The following NDRG4 variants were observed in gnomAD, a reference collection of about 807,000 sequenced individuals.
The protein encoded by NDRG4 is protein NDRG4.
Under a neutral mutation model 55.8 loss-of-function variants are expected in NDRG4, and 38 were observed. The ratio of observed to expected loss-of-function variants is 0.68; its 90% confidence interval spans 0.53 to 0.89. NDRG4 has a LOEUF of 0.89. NDRG4 is among the 40% of genes least tolerant of loss of function. The pLI, the probability that NDRG4 is intolerant of heterozygous loss-of-function variation, is 0.00. For missense variants in NDRG4, 455 were observed against 468.6 expected (o/e 0.97, Z 0.27); for synonymous variants, 190 against 182.7 (o/e 1.04, Z -0.32).
upstream of NDRG4, chr16:58,499,976 A>G: frequency 2.8e-6 from 2 of 718,856 alleles, no homozygotes; most frequent in Non-Finnish European, 4.3e-6. Flanking sequence ...GGGCTGGGGC[A>G]AGGAGGACTT....
At chr16:58,477,948 A>G (rs2033895083) in intron 1 of NDRG4, among the ~76,000 whole-genome samples, 1 of 152,222 alleles carries the variant, frequency 6.6e-6, no homozygotes, top group African/African-American at 2.4e-5. Flanking sequence ...ACAGATTGAC[A>G]TCATGTGCCT....
At chr16:58,506,363 G>A (rs2038015577) in intron 5 of NDRG4, 24 bp from the exon 6 acceptor site, 1 of 1,611,490 alleles carries the variant, frequency 6.2e-7, no homozygotes, top group South Asian at 1.1e-5. Context: ...GCCCCGCCCG[G>A]CCCTGTTTCC....
chr16:58,468,232 T>TA (rs2032090515), intron 1 of NDRG4, among the ~76,000 whole-genome samples: 1 of 152,200 alleles, frequency 6.6e-6, no homozygotes, highest in African/African-American at 2.4e-5. Context: ...GGAGGCTTTG[T>TA]AAATCATGAA....
intron 3 of NDRG4, 28 bp downstream of exon 3, chr16:58,504,302 TCTCCA>T: frequency 6.2e-6 from 10 of 1,613,978 alleles, no homozygotes; most frequent in Non-Finnish European, 8.5e-6. Context: ...CCTCTGCCTG[TCTCCA>T]GCTCTGCACC....
chr16:58,505,014 T>C (rs2037668151), intron 5 of NDRG4, among the ~76,000 whole-genome samples: 1 of 152,130 alleles, frequency 6.6e-6, no homozygotes, highest in Non-Finnish European at 1.5e-5. Flanking sequence ...AATAATTTTT[T>C]TAGCAAAAAA....
intron 1 of NDRG4, 139 bp from the exon 2 acceptor site, chr16:58,503,659 C>T: frequency 6.6e-7 from 1 of 1,523,922 alleles, no homozygotes; most frequent in Middle Eastern, 1.7e-4. Context: ...CTGGGGGCTT[C>T]TTGGGGTGAT....
intron 8 of NDRG4, chr16:58,507,506 T>TAG: frequency 2.3e-6 from 1 of 426,416 alleles, no homozygotes; most frequent in South Asian, 5.4e-5. Flanking sequence ...AACAAAACAA[T>TAG]AGAGAATAGA....
chr16:58,475,677 C>T, intron 1 of NDRG4: 1 of 455,924 alleles, frequency 2.2e-6, no homozygotes, highest in South Asian at 1.5e-5. Context: ...CTCTTTATTT[C>T]TATATCACTA....
At chr16:58,480,020 G>A (rs2034205310) in intron 1 of NDRG4, among the ~76,000 whole-genome samples, 1 of 152,324 alleles carries the variant, frequency 6.6e-6, no homozygotes, top group South Asian at 2.1e-4. Context: ...CTGGTGGGGA[G>A]ACTGGAGACA....
intron 5 of NDRG4, 42 bp downstream of exon 5, chr16:58,504,691 A>C: frequency 6.2e-7 from 1 of 1,611,414 alleles, no homozygotes; most frequent in Non-Finnish European, 8.5e-7. Context: ...CACCAGGGCA[A>C]GCCAGGGATG....
intron 1 of NDRG4, among the ~76,000 whole-genome samples, chr16:58,482,708 C>CTTCCTCCCTCCCTCT: frequency 3.5e-5 from 1 of 28,880 alleles, no homozygotes; most frequent in Non-Finnish European, 1.9e-4. Flanking sequence ...TCCCTCCCTC[C>CTTCCTCCCTCCCTCT]TTTCCTTCCT....
chr16:58,506,152 G>GTGTGTC (rs747009396), intron 5 of NDRG4: 2 of 598,886 alleles, frequency 3.3e-6, no homozygotes, highest in Non-Finnish European at 6.0e-6. Flanking sequence ...GTGTGTGTGT[G>GTGTGTC]TGTGTCTGTG....
At chr16:58,499,065 C>T (rs1302088258), upstream of NDRG4, 1 of 152,934 alleles carries the variant, frequency 6.5e-6, no homozygotes, top group East Asian at 1.9e-4. Flanking sequence ...GCCCCCTCCT[C>T]TGCTTCCCTC....
chr16:58,510,574 C>G, intron 13 of NDRG4, 71 bp from the exon 14 acceptor site: 1 of 1,331,968 alleles, frequency 7.5e-7, no homozygotes, highest in Non-Finnish European at 1.0e-6. Flanking sequence ...CTTGACTCAG[C>G]GGACCACGCT....
chr16:58,468,029 C>T (rs545955667), intron 1 of NDRG4, among the ~76,000 whole-genome samples: 25 of 152,212 alleles, frequency 1.6e-4, no homozygotes, highest in Non-Finnish European at 4.4e-5. Context: ...CTACTTAGGT[C>T]TCAGGTTCCT....
At position 58,507,056 on chromosome 16, in the gene NDRG4, A is replaced by G. The variant is rs758936864; in HGVS notation, c.620+41A>G. ...GCAGCCCTGGGACCCAGCACACCCC[A>G]GTGGGGGCCCTTGCACACTGCCCCC... On this transcript the variant is annotated intron_variant, in intron 8 of 14. Coordinates refer to ENST00000570248, the MANE Select transcript of NDRG4 (RefSeq NM_001242835.2). 6.6e-6 allele frequency: 10 copies of G among 1,514,940 alleles called. No homozygotes were observed. The African/African-American group carries it at 6.9e-5, about 10-fold the overall frequency. The allele number at this position is 1,514,940 out of a possible 1,614,324, so 93.8% of individuals were successfully genotyped here.
chr16:58,510,737 G>A lies in NDRG4; in HGVS notation c.904+54G>A, dbSNP rs926487828. ...TGGACGCCCAGCCTCCTCCTCCCCCGCTCCTTCCTCTGCGCAGTGTGCTGC... is the reference window on the plus strand; with the variant it reads ...TGGACGCCCAGCCTCCTCCTCCCCCACTCCTTCCTCTGCGCAGTGTGCTGC... On this transcript the variant is annotated intron_variant, in intron 14 of 14. Transcript: ENST00000570248. 8.8e-6 allele frequency: 13 copies of A among 1,470,324 alleles called. No individual in the cohort carries two copies. In the Admixed American group the frequency reaches 9.8e-5, roughly 11 times the overall value. The allele number at this position is 1,470,324 out of a possible 1,614,324, so 91.1% of individuals were successfully genotyped here.
intron 6 of NDRG4, 34 bp downstream of exon 6, chr16:58,506,507 C>T (rs753747542): frequency 3.0e-5 from 48 of 1,604,502 alleles, no homozygotes; most frequent in African/African-American, 4.0e-5. Flanking sequence ...GGTGGGTATA[C>T]CTAGGGTGGG....
rs1375411890 is a variant in NDRG4, at chr16:58,512,900, T to C, written c.*1324T>C. The C allele has an allele frequency of 6.6e-6, 1 of 152,498 alleles. No individual in the cohort carries two copies. Among genetic ancestry groups the C allele is most frequent in the African/African-American group, 2.4e-5 (1 of 41,344 alleles). The allele number at this position is 152,498 out of a possible 1,614,324, so 9.4% of individuals were successfully genotyped here. A position where few individuals can be genotyped will look rare whatever the true frequency, so the allele number is the denominator to read the frequency against. ...TGCAGGGCTGTGGACGGGGGAAGGGTTGTGGCGGGTGTTCTGAGGCTGAGA... is the reference window on the plus strand; with the variant it reads ...TGCAGGGCTGTGGACGGGGGAAGGGCTGTGGCGGGTGTTCTGAGGCTGAGA... On this transcript the variant is annotated 3_prime_UTR_variant, in exon 15 of 15. Coordinates refer to ENST00000570248, the MANE Select transcript of NDRG4 (RefSeq NM_001242835.2).
Sources: gnomAD v4.1 joint callset for allele counts (sites outside exome capture counted in the v4.1 genomes callset) on GRCh38, gnomAD v4.1.1 for gene constraint, MANE v1.5 for transcripts, NCBI Gene and HGNC (gene_info 2026-07-23, HGNC 2026-07-21) for gene names.